Variants in FMN2 observed in about 807,000 individuals in gnomAD.
FMN2 encodes the protein formin-2.
In FMN2, 51 loss-of-function variants were observed where a neutral mutation model predicts 142.3. That is an observed-to-expected ratio of 0.36 (90% CI 0.29 to 0.45). The LOEUF (loss-of-function observed/expected upper bound fraction) is 0.45, where lower values mean the gene tolerates loss of function less well. Among genes scored for constraint, FMN2 ranks in the 20% least tolerant of loss-of-function variants. FMN2 has a pLI of 1.00. For synonymous variants in FMN2, 882 were observed against 869.8 expected (o/e 1.01, Z -0.25); for missense variants, 1,936 against 2,122.8 (o/e 0.91, Z 1.73).
At chr1:240,250,517 G>A (rs962725187) in intron 6 of FMN2, among the ~76,000 whole-genome samples, 3 of 152,024 alleles carry the variant, frequency 2.0e-5, no homozygotes, top group South Asian at 2.1e-4. Context: ...TTGCATCTCT[G>A]TTCATCAGGA....
chr1:240,213,299 G>A (rs1017276849), intron 6 of FMN2, among the ~76,000 whole-genome samples: 1 of 152,064 alleles, frequency 6.6e-6, no homozygotes, highest in Non-Finnish European at 1.5e-5. Context: ...TTCAAACAGG[G>A]TTTATGGGAC....
intron 13 of FMN2, among the ~76,000 whole-genome samples, chr1:240,337,215 T>TC (rs1671596405): frequency 1.4e-5 from 2 of 142,898 alleles, no homozygotes; most frequent in Non-Finnish European, 3.0e-5. Context: ...TTTTTTTTTT[T>TC]TTTTTTTTTT....
intron 15 of FMN2, among the ~76,000 whole-genome samples, chr1:240,434,487 C>G (rs912701998): frequency 1.3e-5 from 2 of 152,066 alleles, no homozygotes; most frequent in Non-Finnish European, 2.9e-5. Context: ...TAAAAGATAC[C>G]TTGATAATCT....
chr1:240,144,585 C>A lies in FMN2; in HGVS notation c.1782+21240C>A, dbSNP rs539227718. The A allele has an allele frequency of 4.4e-6, 6 of 1,372,974 alleles. No individual in the cohort carries two copies. The African/African-American group carries it at 7.1e-5, about 16-fold the overall frequency. The allele number at this position is 1,372,974 out of a possible 1,614,324, so 85.0% of individuals were successfully genotyped here. A position where few individuals can be genotyped will look rare whatever the true frequency, so the allele number is the denominator to read the frequency against. ...TTGCGCATCAGTGCCAATCTCAGAG[C>A]TTTAGGAAAGCGGCTAAACTTTCAG... On this transcript the variant is annotated intron_variant, in intron 2 of 17. Coordinates refer to ENST00000319653, the MANE Select transcript of FMN2 (RefSeq NM_020066.5).
At chr1:240,382,737 G>A (rs368568937) in intron 14 of FMN2, among the ~76,000 whole-genome samples, 103 of 151,714 alleles carry the variant, frequency 6.8e-4, no homozygotes, top group African/African-American at 1.4e-3. Context: ...TCAAATTACC[G>A]ACATCATTTT....
At chr1:240,172,790 T>A (rs1268828680) in intron 2 of FMN2, among the ~76,000 whole-genome samples, 1 of 152,204 alleles carries the variant, frequency 6.6e-6, no homozygotes, top group Admixed American at 6.5e-5. Context: ...CCACAAAGTT[T>A]CCTTTTGGTT....
At chr1:240,135,747 T>A (rs1662912172) in intron 2 of FMN2, among the ~76,000 whole-genome samples, 1 of 151,176 alleles carries the variant, frequency 6.6e-6, no homozygotes, top group Admixed American at 6.6e-5. Context: ...TGGTGCGATC[T>A]CGGCTCACTG....
chr1:240,316,722 T>G (rs1373595156), intron 8 of FMN2, among the ~76,000 whole-genome samples: 1 of 152,166 alleles, frequency 6.6e-6, no homozygotes, highest in African/African-American at 2.4e-5. Context: ...TGGCTCATTT[T>G]GTTTTTTTTC....
rs1330028261 is a variant in FMN2 at position 240,211,217 on chromosome 1, A to G, written c.4047A>G (p.Ser1349=). The part of the protein sequence containing the change: ...ERKKPISDTI[S]KTKAKQVVKL... ...AGAAACCTATCTCTGATACTATCTC[A>G]AAGACGAAGGCTAAACAAGTGAGTA... The change falls in exon 6 of 18, where the codon TCA becomes TCG. Residue 1349 remains serine (S), a synonymous_variant. Transcript: ENST00000319653. 1 of 1,611,234 alleles carries G rather than the reference A, an allele frequency of 6.2e-7. No individual in the cohort carries two copies. Among genetic ancestry groups the G allele is most frequent in the Non-Finnish European group, 8.5e-7 (1 of 1,178,786 alleles).
Position 240,103,210 on chromosome 1 carries a change from G to C in FMN2, c.1615+9486G>C, listed in dbSNP as rs192814486. Among the ~76,000 whole-genome samples the C allele has an allele frequency of 7.2e-5, 11 of 152,306 alleles. No individual in the cohort carries two copies. In the East Asian group the frequency reaches 2.1e-3, roughly 29 times the overall value. Reference sequence around the variant, plus strand: ...ATTATTTCTCTAAGGAGACTCATTTGACTCTAAATTCACAGATCATTTTCA... The same window carrying C: ...ATTATTTCTCTAAGGAGACTCATTTCACTCTAAATTCACAGATCATTTTCA... On this transcript the variant is annotated intron_variant, in intron 1 of 17. Transcript: ENST00000319653.
At chr1:240,096,777 G>C (rs1661213301) in intron 1 of FMN2, among the ~76,000 whole-genome samples, 1 of 152,178 alleles carries the variant, frequency 6.6e-6, no homozygotes, top group African/African-American at 2.4e-5. Flanking sequence ...CAAATGTAGG[G>C]AGAAAATACA....
intron 1 of FMN2, among the ~76,000 whole-genome samples, chr1:240,119,186 G>T (rs999563315): frequency 6.6e-6 from 1 of 152,030 alleles, no homozygotes; most frequent in Non-Finnish European, 1.5e-5. Flanking sequence ...AAAATTAGCC[G>T]GGTGTGGTGG....
chr1:240,347,289 A>G (rs1671938920), intron 13 of FMN2, among the ~76,000 whole-genome samples: 1 of 152,226 alleles, frequency 6.6e-6, no homozygotes, highest in South Asian at 2.1e-4. Flanking sequence ...GCAAAGAATC[A>G]TGTAACTACC....
chr1:240,194,766 A>G (rs1665849949), intron 4 of FMN2, among the ~76,000 whole-genome samples: 1 of 152,216 alleles, frequency 6.6e-6, no homozygotes, highest in Non-Finnish European at 1.5e-5. Context: ...AAACTATGTT[A>G]ATGTTTGCTC....
chr1:240,252,418 C>T (rs943886437), intron 6 of FMN2, among the ~76,000 whole-genome samples: 1 of 152,106 alleles, frequency 6.6e-6, no homozygotes, highest in Non-Finnish European at 1.5e-5. Context: ...TGTAGGACTA[C>T]CATAAGCTTT....
chr1:240,460,178 A>G (rs1298385424), intron 16 of FMN2, among the ~76,000 whole-genome samples: 1 of 152,202 alleles, frequency 6.6e-6, no homozygotes, highest in Non-Finnish European at 1.5e-5. Flanking sequence ...AGAGTTCAAA[A>G]TTTATCCAAT....
rs534158931 is a variant in FMN2 at position 240,208,495 on chromosome 1, C to A, written c.3683C>A (p.Pro1228His). 6.2e-7 allele frequency: 1 copy of A among 1,611,262 alleles called. No individual in the cohort carries two copies. The highest frequency in any genetic ancestry group is 1.3e-5 in the African/African-American group (1 of 74,334). Residue 1228 changes from proline to histidine, a missense_variant, in exon 5 of 18, where the codon CCT becomes CAT. Pro to His is a moderately conservative substitution (Grantham distance 77). Coordinates refer to ENST00000319653, the MANE Select transcript of FMN2 (RefSeq NM_020066.5). ...GCTCCAGCTCCCCCACTCCCTCCACCTGGGACAGGAATCCCACCGCCCCCT... is the reference window on the plus strand; with the variant it reads ...GCTCCAGCTCCCCCACTCCCTCCACATGGGACAGGAATCCCACCGCCCCCT... ...PPAPAPPLPP[P>H]GTGIPPPPLL...
intron 13 of FMN2, among the ~76,000 whole-genome samples, chr1:240,353,304 A>G (rs1179799321): frequency 1.3e-5 from 2 of 152,244 alleles, no homozygotes; most frequent in African/African-American, 2.4e-5. Context: ...CACTAACGTT[A>G]GAGAATTCAT....
intron 8 of FMN2, among the ~76,000 whole-genome samples, chr1:240,325,400 A>G (rs1352601803): frequency 6.6e-6 from 1 of 151,786 alleles, no homozygotes; most frequent in African/African-American, 2.4e-5. Flanking sequence ...ATATTCCTCC[A>G]AAAGTAACAT....
Sources: gnomAD v4.1 joint callset for allele counts (sites outside exome capture counted in the v4.1 genomes callset) on GRCh38, gnomAD v4.1.1 for gene constraint, MANE v1.5 for transcripts, NCBI Gene and HGNC (gene_info 2026-07-23, HGNC 2026-07-21) for gene names.